SHLD1: variants seen among roughly 807,000 people sequenced by gnomAD.
The protein encoded by SHLD1 is shieldin complex subunit 1.
In SHLD1, 3 loss-of-function variants were observed where a neutral mutation model predicts 5.5. The observed-to-expected ratio is 0.54, with a 90% CI of 0.25 to 1.40. SHLD1 has a LOEUF of 1.40. Among genes scored for constraint, SHLD1 ranks in the 40% most tolerant of loss-of-function variants. The pLI is 0.15. For missense variants in SHLD1, 210 were observed against 244.4 expected (o/e 0.86, Z 0.94); for synonymous variants, 92 against 94.3 (o/e 0.98, Z 0.14).
At chr20:5,844,793 A>ATTTTTT (rs1167953728) in intron 2 of SHLD1, among the ~76,000 whole-genome samples, 3 of 96,196 alleles carry the variant, frequency 3.1e-5, no homozygotes, top group African/African-American at 7.0e-5. Context: ...ATATATATAT[A>ATTTTTT]TATATATTTT....
intron 2 of SHLD1, among the ~76,000 whole-genome samples, chr20:5,859,932 A>T (rs1393217351): frequency 1.3e-5 from 2 of 152,204 alleles, no homozygotes; most frequent in African/African-American, 4.8e-5. Context: ...GAAAATTTTA[A>T]ATCCTGCATA....
At chr20:5,764,777 T>C (rs1275877537) in intron 1 of SHLD1, among the ~76,000 whole-genome samples, 1 of 152,188 alleles carries the variant, frequency 6.6e-6, no homozygotes, top group Non-Finnish European at 1.5e-5. Context: ...CGTTGTGTGA[T>C]GAAGCAAGTC....
intron 2 of SHLD1, among the ~76,000 whole-genome samples, chr20:5,850,112 C>CAATAATAATAATAATAAT (rs113975793): frequency 6.9e-5 from 9 of 130,248 alleles, no homozygotes; most frequent in Admixed American, 1.6e-4. Context: ...GACCCCGTCT[C>CAATAATAATAATAATAAT]AATAATAATA....
At chr20:5,840,859 G>A (rs2087848639) in intron 2 of SHLD1, among the ~76,000 whole-genome samples, 1 of 152,130 alleles carries the variant, frequency 6.6e-6, no homozygotes, top group African/African-American at 2.4e-5. Context: ...GCTTTTGTGA[G>A]TTGTAATAAG....
intron 2 of SHLD1, among the ~76,000 whole-genome samples, chr20:5,860,876 T>TA (rs10555301): frequency 0.012 from 1,229 of 100,630 alleles, 40 homozygotes; most frequent in South Asian, 0.023. Flanking sequence ...TACTATTCTT[T>TA]AAAAAAAAAA....
Position 5,855,362 on chromosome 20 carries a change from A to ACATTTTGTTT in SHLD1, c.179-7661_179-7652dup, listed in dbSNP as rs1237211603. ...TATTTCATTGTGTGCACATACTAAC[A>ACATTTTGTTT]CATTTTGTTTTATTTTGTTTTATTT... On this transcript the variant is annotated intron_variant, in intron 2 of 2. Coordinates refer to ENST00000303142, the MANE Select transcript of SHLD1 (RefSeq NM_152504.4). This position sits in a 1 kb window ranked among gnomAD's most constrained non-coding sequence, Gnocchi z 4.4. 6.6e-6 allele frequency among the ~76,000 whole-genome samples: 1 copy of ACATTTTGTTT among 151,990 alleles called. No homozygotes were observed. Among genetic ancestry groups the ACATTTTGTTT allele is most frequent in the Admixed American group, 6.6e-5 (1 of 15,254 alleles).
Position 5,778,115 on chromosome 20 carries a change from T to C in SHLD1, c.178+5072T>C, listed in dbSNP as rs1337501515. Among the ~76,000 whole-genome samples the C allele has an allele frequency of 1.5e-4, 10 of 66,748 alleles. No individual in the cohort carries two copies. The East Asian group carries it at 3.0e-3, about 20-fold the overall frequency. The allele number at this position is 66,748 out of a possible 152,430, so 43.8% of individuals were successfully genotyped here. A position where few individuals can be genotyped will look rare whatever the true frequency, so the allele number is the denominator to read the frequency against. ...GCTGAGGCAGGAGGATCCCTTTTTC[T>C]TTTTTTTTTTTTTTTTTTTGAGACA... On this transcript the variant is annotated intron_variant, in intron 2 of 2. Coordinates refer to ENST00000303142, the MANE Select transcript of SHLD1 (RefSeq NM_152504.4).
At chr20:5,825,218 G>A (rs2087652343) in intron 2 of SHLD1, among the ~76,000 whole-genome samples, 1 of 152,198 alleles carries the variant, frequency 6.6e-6, no homozygotes, top group Non-Finnish European at 1.5e-5. Flanking sequence ...GGACCATTCT[G>A]TCTCATCCTG....
chr20:5,800,691 A>G (rs1010415040), intron 2 of SHLD1, among the ~76,000 whole-genome samples: 2 of 152,178 alleles, frequency 1.3e-5, no homozygotes, highest in African/African-American at 4.8e-5. Flanking sequence ...GTCTCAAAAA[A>G]AAAAAAAAAA....
At chr20:5,770,991 A>G (rs1985122002) in intron 1 of SHLD1, among the ~76,000 whole-genome samples, 1 of 152,214 alleles carries the variant, frequency 6.6e-6, no homozygotes, top group Non-Finnish European at 1.5e-5. Context: ...CATTGGTGGA[A>G]CCACTCTATA....
intron 2 of SHLD1, among the ~76,000 whole-genome samples, chr20:5,838,999 A>G (rs890326853): frequency 4.6e-5 from 7 of 152,200 alleles, no homozygotes; most frequent in African/African-American, 1.2e-4. Context: ...GAAGATATCT[A>G]TCATTTCCTC....
intron 2 of SHLD1, among the ~76,000 whole-genome samples, chr20:5,779,746 G>T (rs201444757): frequency 6.6e-6 from 1 of 152,132 alleles, no homozygotes; most frequent in East Asian, 1.9e-4. Flanking sequence ...GCCCATCCTG[G>T]TATTTACTCA....
chr20:5,811,337 G>A (rs1352499847), intron 2 of SHLD1, among the ~76,000 whole-genome samples: 2 of 152,158 alleles, frequency 1.3e-5, no homozygotes, highest in Non-Finnish European at 2.9e-5. Context: ...GCCAGCAACT[G>A]AGAGTGGAAA....
intron 2 of SHLD1, among the ~76,000 whole-genome samples, chr20:5,808,170 C>T (rs1158178542): frequency 6.6e-6 from 1 of 151,958 alleles, no homozygotes; most frequent in Non-Finnish European, 1.5e-5. Flanking sequence ...ATTCCAGCCA[C>T]TCGAGAGGCT....
At chr20:5,778,284 T>A (rs1423478652) in intron 2 of SHLD1, among the ~76,000 whole-genome samples, 1 of 57,770 alleles carries the variant, frequency 1.7e-5, no homozygotes, top group Non-Finnish European at 3.5e-5. Context: ...GCCTGGCTAG[T>A]TTTTTTTTTT....
At chr20:5,798,336 T>C (rs1352939632) in intron 2 of SHLD1, among the ~76,000 whole-genome samples, 4 of 151,760 alleles carry the variant, frequency 2.6e-5, no homozygotes, top group African/African-American at 9.7e-5. Flanking sequence ...ACGAAGTCTT[T>C]CTGTCACCCA....
At chr20:5,820,004 G>A (rs966783101) in intron 2 of SHLD1, among the ~76,000 whole-genome samples, 3 of 152,270 alleles carry the variant, frequency 2.0e-5, no homozygotes, top group East Asian at 1.9e-4. Context: ...CTGGAGTGCA[G>A]TGCTGTGATC....
chr20:5,756,402 A>G (rs1027056050), intron 1 of SHLD1, among the ~76,000 whole-genome samples: 1 of 152,162 alleles, frequency 6.6e-6, no homozygotes. Context: ...ATCCACGAAC[A>G]TGGGATAGCT....
chr20:5,762,260 C>T (rs967305309), intron 1 of SHLD1, among the ~76,000 whole-genome samples: 1 of 151,630 alleles, frequency 6.6e-6, no homozygotes, highest in Non-Finnish European at 1.5e-5. Flanking sequence ...AAAAAAAATT[C>T]TTTTATTTAT....
Sources: gnomAD v4.1 joint callset for allele counts (sites outside exome capture counted in the v4.1 genomes callset) on GRCh38, gnomAD v4.1.1 for gene constraint, Gnocchi (gnomAD v3.1) non-coding constraint, MANE v1.5 for transcripts, NCBI Gene and HGNC (gene_info 2026-07-23, HGNC 2026-07-21) for gene names.